Variants in NELL2 observed in about 807,000 individuals in gnomAD.
The protein encoded by NELL2 is neural EGFL like 2.
A neutral mutation model predicts 109.6 loss-of-function variants in NELL2; 41 were observed. The ratio of observed to expected loss-of-function variants is 0.37; its 90% CI spans 0.29 to 0.49. NELL2 has a LOEUF of 0.49. Among genes scored for constraint, NELL2 ranks in the 20% least tolerant of loss-of-function variants. The pLI, the probability that NELL2 is intolerant of heterozygous loss-of-function variation, is 0.98. For missense variants in NELL2, 900 were observed against 1,008.3 expected (o/e 0.89, Z 1.45); for synonymous variants, 355 against 344.7 (o/e 1.03, Z -0.33).
intron 15 of NELL2, among the ~76,000 whole-genome samples, chr12:44,601,071 A>G (rs1235409410): frequency 1.3e-5 from 2 of 152,180 alleles, no homozygotes; most frequent in African/African-American, 4.8e-5. Context: ...ATAAAACTGA[A>G]GATCTTATCC....
At chr12:44,736,343 C>A (rs771503868) in intron 9 of NELL2, among the ~76,000 whole-genome samples, 3 of 152,182 alleles carry the variant, frequency 2.0e-5, no homozygotes, top group Non-Finnish European at 4.4e-5. Context: ...TTGGGTAACT[C>A]TGTTAAAGAG....
intron 2 of NELL2, among the ~76,000 whole-genome samples, chr12:44,819,685 G>T (rs192603808): frequency 7.2e-5 from 11 of 152,224 alleles, no homozygotes; most frequent in Non-Finnish European, 1.5e-4. Context: ...CACAATTCAG[G>T]ACAGGACCAC....
chr12:44,719,060 A>G (rs1938633691), intron 9 of NELL2, among the ~76,000 whole-genome samples: 2 of 152,206 alleles, frequency 1.3e-5, no homozygotes, highest in Non-Finnish European at 2.9e-5. Context: ...AGTCACTAGC[A>G]TCATAATTAT....
chr12:44,850,987 G>A (rs1433014474), intron 2 of NELL2, among the ~76,000 whole-genome samples: 1 of 152,092 alleles, frequency 6.6e-6, no homozygotes, highest in East Asian at 1.9e-4. Context: ...GAAGATGTGG[G>A]AGTCCAAGAT....
At chr12:44,512,328 C>A (rs1246199874) in intron 19 of NELL2, among the ~76,000 whole-genome samples, 1 of 152,062 alleles carries the variant, frequency 6.6e-6, no homozygotes, top group Admixed American at 6.6e-5. Flanking sequence ...GAACAAATTA[C>A]AAATGCTGGT....
chr12:44,665,120 C>T (rs1326314046), intron 13 of NELL2, among the ~76,000 whole-genome samples: 1 of 152,088 alleles, frequency 6.6e-6, no homozygotes, highest in Admixed American at 6.6e-5. Flanking sequence ...AAAAAAATCA[C>T]ATTATTTATG....
chr12:44,908,000 C>T (rs1377041755), intron 1 of NELL2, among the ~76,000 whole-genome samples: 3 of 151,936 alleles, frequency 2.0e-5, no homozygotes, highest in South Asian at 4.2e-4. Context: ...CTTCTGGTTG[C>T]TTTTATTTTC....
Position 44,621,346 on chromosome 12 carries a change from T to C in NELL2, c.1445-10376A>G, listed in dbSNP as rs182960566. Among the ~76,000 whole-genome samples, 11 of 152,254 alleles carry C rather than the reference T, an allele frequency of 7.2e-5. No homozygotes were observed. In the East Asian group the frequency reaches 1.9e-3, roughly 27 times the overall value. Reference sequence around the variant, plus strand: ...TTTGAAAGCCAGAATGTGAAGTGGTTAGGTGAAAGGACTTTGGAGTCAGGC... The same window carrying C: ...TTTGAAAGCCAGAATGTGAAGTGGTCAGGTGAAAGGACTTTGGAGTCAGGC... On this transcript the variant is annotated intron_variant, in intron 13 of 19. Transcript: ENST00000429094.
chr12:44,797,307 T>C (rs1193274321), intron 3 of NELL2, among the ~76,000 whole-genome samples: 1 of 152,042 alleles, frequency 6.6e-6, no homozygotes, highest in Non-Finnish European at 1.5e-5. Context: ...CCCTATTGCA[T>C]CAAGGATGGT....
intron 1 of NELL2, among the ~76,000 whole-genome samples, chr12:44,908,296 CA>C (rs772733377): frequency 1.3e-5 from 2 of 151,794 alleles, no homozygotes; most frequent in African/African-American, 2.4e-5. Context: ...AGGGTATGTA[CA>C]GGGGAATTCT....
At chr12:44,731,450 CAACCAAT>C (rs1298883741) in intron 9 of NELL2, among the ~76,000 whole-genome samples, 1 of 151,926 alleles carries the variant, frequency 6.6e-6, no homozygotes, top group Non-Finnish European at 1.5e-5. Flanking sequence ...ATATGAAAAC[CAACCAAT>C]ATGATACACC....
chr12:44,919,283 G>A (rs1038678225), intron 1 of NELL2, among the ~76,000 whole-genome samples: 1 of 151,954 alleles, frequency 6.6e-6, no homozygotes, highest in Non-Finnish European at 1.5e-5. Context: ...GTACAATGAA[G>A]ATAAATGGTG....
At chr12:44,910,212 A>G (rs1024419745) in intron 1 of NELL2, among the ~76,000 whole-genome samples, 1 of 151,980 alleles carries the variant, frequency 6.6e-6, no homozygotes, top group Non-Finnish European at 1.5e-5. Flanking sequence ...GAAAATATTC[A>G]CAAATTTTGC....
chr12:44,564,594 A>AGC (rs1391979518), intron 15 of NELL2, among the ~76,000 whole-genome samples: 1 of 152,196 alleles, frequency 6.6e-6, no homozygotes, highest in African/African-American at 2.4e-5. Flanking sequence ...TAATAAAACA[A>AGC]GCACACACAC....
intron 2 of NELL2, among the ~76,000 whole-genome samples, chr12:44,866,055 C>T (rs1944991410): frequency 6.6e-6 from 1 of 152,068 alleles, no homozygotes; most frequent in African/African-American, 2.4e-5. Context: ...GAAGGAAGCA[C>T]CCTAGAGTCT....
intron 9 of NELL2, among the ~76,000 whole-genome samples, chr12:44,735,382 A>G (rs1233609290): frequency 6.6e-6 from 1 of 151,900 alleles, no homozygotes; most frequent in African/African-American, 2.4e-5. Flanking sequence ...ATCCTTCACC[A>G]AAGGCATAAT....
At chr12:44,882,559 ACT>A (rs891321002) in intron 1 of NELL2, among the ~76,000 whole-genome samples, 14 of 151,126 alleles carry the variant, frequency 9.3e-5, no homozygotes, top group African/African-American at 3.4e-4. Flanking sequence ...ATGGAGTCTC[ACT>A]CTGTCACTCA....
At chr12:44,822,072 T>G (rs747243708) in intron 2 of NELL2, among the ~76,000 whole-genome samples, 6 of 152,008 alleles carry the variant, frequency 3.9e-5, no homozygotes, top group Non-Finnish European at 7.4e-5. Flanking sequence ...GGCAAAAATT[T>G]TAATTTAGAT....
chr12:44,674,234 A>T (rs1321539320), intron 12 of NELL2, among the ~76,000 whole-genome samples: 1 of 152,150 alleles, frequency 6.6e-6, no homozygotes, highest in Non-Finnish European at 1.5e-5. Flanking sequence ...CCCTCCTACC[A>T]ACTTGAGAAG....
Sources: allele counts gnomAD v4.1 joint callset (sites outside exome capture counted in the v4.1 genomes callset), GRCh38; gene constraint gnomAD v4.1.1; transcripts MANE v1.5; gene names NCBI Gene and HGNC (gene_info 2026-07-23, HGNC 2026-07-21).